Variants in RPL3L observed in about 807,000 individuals in gnomAD.
RPL3L encodes the protein ribosomal protein L3 like.
Under a neutral mutation model 44.5 loss-of-function variants are expected in RPL3L, and 44 were observed. The ratio of observed to expected loss-of-function variants is 0.99; its 90% CI spans 0.78 to 1.27. RPL3L has a LOEUF of 1.27. Ranked by LOEUF, RPL3L falls within the 50% of genes most tolerant of loss-of-function variation. The pLI, the probability that RPL3L is intolerant of heterozygous loss-of-function variation, is 0.00. For missense variants in RPL3L, 631 were observed against 569.1 expected (o/e 1.11, Z -1.11); for synonymous variants, 292 against 230.7 (o/e 1.27, Z -2.41).
intron 4 of RPL3L, 49 bp downstream of exon 4, chr16:1,950,795 G>A (rs1340977099): frequency 6.2e-7 from 1 of 1,612,338 alleles, no homozygotes; most frequent in Non-Finnish European, 8.5e-7. Context: ...GCTGGGGTGA[G>A]GGAGCGTGGT....
intron 4 of RPL3L, among the ~76,000 whole-genome samples, chr16:1,950,628 C>T (rs1044827388): frequency 2.6e-5 from 4 of 152,150 alleles, no homozygotes; most frequent in African/African-American, 4.8e-5. Context: ...GTTGACTAGC[C>T]GGCGTGGCTG....
At chr16:1,951,924 C>T (rs1349577604) in intron 3 of RPL3L, among the ~76,000 whole-genome samples, 5 of 151,724 alleles carry the variant, frequency 3.3e-5, no homozygotes, top group Admixed American at 2.6e-4. Context: ...CCAATGCTAA[C>T]ATTCCATCAA....
chr16:1,950,000 TGTAGG>T, intron 4 of RPL3L, among the ~76,000 whole-genome samples: 1 of 130,576 alleles, frequency 7.7e-6, no homozygotes, highest in African/African-American at 3.0e-5. Context: ...AGGGCAGGTA[TGTAGG>T]GGGCAGGTAT....
Position 1,953,964 on chromosome 16 carries a change from G to C in RPL3L, c.188C>G (p.Pro63Arg), listed in dbSNP as rs577398510. The change falls in exon 2 of 10, where the codon CCG becomes CGG. Residue 63 changes from proline to arginine, a missense_variant. By Grantham distance (103) the Pro-to-Arg change is moderately radical. Coordinates refer to ENST00000268661, the MANE Select transcript of RPL3L (RefSeq NM_005061.3). ...TCCCAACTGTGACTCACTGAGCCCC[G>C]GCCGGTGCACCTCCCGCAGGGTGTG... ...MTHTLREVHRPGLKISKREEV... is the reference protein window; with the variant it reads ...MTHTLREVHRRGLKISKREEV... 6 of 1,534,242 alleles carry C rather than the reference G, an allele frequency of 3.9e-6. No homozygotes were observed. Among genetic ancestry groups the C allele is most frequent in the Non-Finnish European group, 5.3e-6 (6 of 1,134,706 alleles).
At chr16:1,953,540 C>G (rs2083185936) in intron 2 of RPL3L, among the ~76,000 whole-genome samples, 1 of 152,208 alleles carries the variant, frequency 6.6e-6, no homozygotes, top group Admixed American at 6.5e-5. Flanking sequence ...CTTACAACTA[C>G]TTGTGAATCT....
chr16:1,946,890 G>T, intron 6 of RPL3L, 48 bp downstream of exon 6: 1 of 1,569,910 alleles, frequency 6.4e-7, no homozygotes, highest in Non-Finnish European at 8.6e-7. Context: ...AGTACTGAGG[G>T]CTGGGGTCCG....
chr16:1,951,769 A>C (rs975234253), intron 3 of RPL3L, among the ~76,000 whole-genome samples: 9 of 138,894 alleles, frequency 6.5e-5, no homozygotes, highest in Admixed American at 5.9e-4. Flanking sequence ...TATTATTATT[A>C]TTCCCATTCT....
intron 1 of RPL3L, among the ~76,000 whole-genome samples, chr16:1,954,373 G>A (rs1386188384): frequency 6.6e-6 from 1 of 152,126 alleles, no homozygotes; most frequent in Non-Finnish European, 1.5e-5. Flanking sequence ...TGTGGGCTCA[G>A]CCTGGGGCCC....
At chr16:1,952,747 C>T (rs2083178833) in intron 3 of RPL3L, 127 bp downstream of exon 3, 3 of 1,092,626 alleles carry the variant, frequency 2.7e-6, no homozygotes, top group Non-Finnish European at 3.9e-6. Context: ...TCCTACCTCC[C>T]ACAGACGGTT....
intron 4 of RPL3L, among the ~76,000 whole-genome samples, chr16:1,950,437 C>G (rs1033258558): frequency 2.0e-5 from 3 of 151,988 alleles, no homozygotes; most frequent in Non-Finnish European, 2.9e-5. Context: ...ACAAAGATGC[C>G]AAAGAGTGTT....
chr16:1,948,632 C>T lies in RPL3L; in HGVS notation c.502-1252G>A, dbSNP rs577546878. Among the ~76,000 whole-genome samples the T allele has an allele frequency of 4.0e-5, 6 of 151,340 alleles. No homozygotes were observed. The East Asian group carries it at 1.2e-3, about 29-fold the overall frequency. ...TCACTGCAGCCTCAGCCTCCCGGGC[C>T]GAAGCAATCCTCCCACCTTAGCCTC... is the stretch of plus-strand genomic sequence containing the variant. On this transcript the variant is annotated intron_variant, in intron 4 of 9. Coordinates refer to ENST00000268661, the MANE Select transcript of RPL3L (RefSeq NM_005061.3).
chr16:1,952,937 C>G lies in RPL3L; in HGVS notation c.302G>C (p.Ser101Thr), dbSNP rs1204827095. 3.1e-6 allele frequency: 5 copies of G among 1,613,998 alleles called. No individual in the cohort carries two copies. The highest frequency in any genetic ancestry group is 4.2e-6 in the Non-Finnish European group (5 of 1,179,996). ...GTGTTCTGCAAAGATGGTCTTGAAG[C>G]TCCGGAGACCTCGAGGGGTGGCCAC... ...GYVATPRGLR[S>T]FKTIFAEHLS... The change falls in exon 3 of 10, where the codon AGC (serine) becomes ACC (threonine). Residue 101 changes from serine to threonine, a missense_variant. Ser to Thr is a moderately conservative substitution (Grantham distance 58). Coordinates refer to ENST00000268661, the MANE Select transcript of RPL3L (RefSeq NM_005061.3).
In RPL3L at chr16:1,944,995, C is replaced by CG. The variant is rs2083109940; in HGVS notation, c.1168-103_1168-102insC. The CG allele has an allele frequency of 3.5e-6, 5 of 1,438,158 alleles. No individual in the cohort carries two copies. In the African/African-American group the frequency reaches 7.1e-5, roughly 20 times the overall value. The allele number at this position is 1,438,158 out of a possible 1,614,324, so 89.1% of individuals were successfully genotyped here. A position where few individuals can be genotyped will look rare whatever the true frequency, so the allele number is the denominator to read the frequency against. On this transcript the variant is annotated intron_variant, in intron 9 of 9. Coordinates refer to ENST00000268661, the MANE Select transcript of RPL3L (RefSeq NM_005061.3). ...TCACTCAGGGCCGGCCCTACTGCCC[C>CG]CCTAAGGCTGCTTCCTCCCCCACCT...
chr16:1,948,208 A>G (rs186906913), intron 4 of RPL3L, among the ~76,000 whole-genome samples: 4,381 of 149,314 alleles, frequency 0.029, 206 homozygotes, highest in African/African-American at 0.1. Flanking sequence ...AAGTGCTGGG[A>G]TTACAGGCGT....
At chr16:1,949,179 C>T (rs933746091) in intron 4 of RPL3L, among the ~76,000 whole-genome samples, 1 of 149,814 alleles carries the variant, frequency 6.7e-6, no homozygotes, top group South Asian at 2.1e-4. Context: ...TTAAGTTGCC[C>T]GGGCTGCCAC....
chr16:1,954,562 C>T, intron 1 of RPL3L, 67 bp downstream of exon 1: 1 of 1,494,898 alleles, frequency 6.7e-7, no homozygotes, highest in Non-Finnish European at 9.0e-7. Flanking sequence ...ATCCAGAAGC[C>T]CAGCTGTCCC....
rs1340022393 is a variant in RPL3L at position 1,945,886 on chromosome 16, C to G, written c.996G>C (p.Met332Ile). 6.2e-7 allele frequency: 1 copy of G among 1,613,674 alleles called. No homozygotes were observed. The highest frequency in any genetic ancestry group is 8.5e-7 in the Non-Finnish European group (1 of 1,179,914). Residue 332 changes from methionine (M) to isoleucine (I), a missense_variant, in exon 8 of 10, where the codon ATG (methionine) becomes ATC (isoleucine). Transcript: ENST00000268661. The stretch of plus-strand genomic sequence containing the variant: ...TGGTACCAGCAATACAACCCTTCAG[C>G]ATGACGAAGTCGTTGTTCACTTCCC... Reference protein sequence around the residue: ...HYGEVNNDFVMLKGCIAGTKK... With the variant: ...HYGEVNNDFVILKGCIAGTKK...
chr16:1,947,433 C>G, intron 4 of RPL3L, 53 bp from the exon 5 acceptor site: 2 of 1,470,176 alleles, frequency 1.4e-6, no homozygotes, highest in Non-Finnish European at 1.8e-6. Flanking sequence ...ACACCCCCAC[C>G]TGAAACATGG....
intron 3 of RPL3L, among the ~76,000 whole-genome samples, chr16:1,952,103 C>G (rs772224685): frequency 2.6e-5 from 4 of 151,790 alleles, no homozygotes; most frequent in African/African-American, 4.8e-5. Context: ...TGTCTGCCAC[C>G]ACGCCCAGCT....
Sources: allele counts gnomAD v4.1 joint callset (sites outside exome capture counted in the v4.1 genomes callset), GRCh38; gene constraint gnomAD v4.1.1; transcripts MANE v1.5; gene names NCBI Gene and HGNC (gene_info 2026-07-23, HGNC 2026-07-21).